Variants in TAS2R19 observed in about 807,000 individuals in gnomAD.
TAS2R19 encodes taste 2 receptor member 19.
For synonymous variants in TAS2R19, 108 were observed against 123.4 expected, an observed-to-expected ratio of 0.87 and a Z score of 0.83; for missense variants, 336 against 342.4, an observed-to-expected ratio of 0.98 and a Z score of 0.15.
Position 11,022,047 on chromosome 12 carries a change from T to C in TAS2R19, c.525A>G (p.Ser175=). The C allele has an allele frequency of 6.2e-7, 1 of 1,613,932 alleles. No individual in the cohort carries two copies. Among genetic ancestry groups the C allele is most frequent in the Non-Finnish European group, 8.5e-7 (1 of 1,179,866 alleles). ...TTGCTAGAGTAGTTACAGTCAAGCT[T>C]GAAAGGTGTATTGCATTCCTCAATT... ...KIKLRNAIHL[S]SLTVTTLANL... is the part of the protein sequence containing the mutation. Residue 175 remains serine (S), a synonymous_variant, in exon 1 of 1, where the codon TCA becomes TCG. Transcript: ENST00000390673.
chr12:11,022,354 G>T lies in TAS2R19; in HGVS notation c.218C>A (p.Ser73Tyr). Residue 73 changes from serine to tyrosine, a missense_variant, in exon 1 of 1, where the codon TCT becomes TAT. Ser to Tyr is a moderately radical substitution (Grantham distance 144). Coordinates refer to ENST00000390673, the MANE Select transcript of TAS2R19 (RefSeq NM_176888.2). ...TCTTACTTCTAAACCATATAAAGCA[G>T]AATTAAACACAGTTGCATACCAAAG... Reference protein sequence around the residue: ...LFLWYATVFNSALYGLEVRIV... With the variant: ...LFLWYATVFNYALYGLEVRIV... The T allele has an allele frequency of 6.2e-7, 1 of 1,614,108 alleles. No homozygotes were observed. The highest frequency in any genetic ancestry group is 8.5e-7 in the Non-Finnish European group (1 of 1,179,970).
rs779373299 is a variant in TAS2R19, at chr12:11,022,605, C to T, written c.-34G>A. ...AGATAAAAAAATGCAGGCTTAGTAA[C>T]ACTTGTTCTGAGTCCTTTAACATCC... On this transcript the variant is annotated 5_prime_UTR_variant, in exon 1 of 1. Coordinates refer to ENST00000390673, the MANE Select transcript of TAS2R19 (RefSeq NM_176888.2). 6.8e-6 allele frequency: 10 copies of T among 1,477,066 alleles called. No individual in the cohort carries two copies. The highest frequency in any genetic ancestry group is 2.3e-5 in the East Asian group (1 of 43,742). The allele number at this position is 1,477,066 out of a possible 1,614,324, so 91.5% of individuals were successfully genotyped here. A position where few individuals can be genotyped will look rare whatever the true frequency, so the allele number is the denominator to read the frequency against.
rs1383840693 is a variant in TAS2R19 at position 11,021,740 on chromosome 12, T to C, written c.832A>G (p.Ile278Val). 3 of 1,614,114 alleles carry C rather than the reference T, an allele frequency of 1.9e-6. No individual in the cohort carries two copies. The East Asian group carries it at 6.7e-5, about 36-fold the overall frequency. Residue 278 changes from isoleucine to valine, a missense_variant, in exon 1 of 1, where the codon ATC (isoleucine) becomes GTC (valine). Physicochemically the swap from Ile to Val is conservative, Grantham distance 29. Transcript: ENST00000390673. ...AGCTTCCTACTTCCCATAATCAGGA[T>C]GAATGAGTGGAATGAAGGATACATG... is the stretch of plus-strand genomic sequence containing the variant. ...AIMYPSFHSF[I>V]LIMGSRKLKQ...
rs772299672 is a variant in TAS2R19 at position 11,021,636 on chromosome 12, G to T, written c.*36C>A. ...CTAGAAGACCCACGATGCTCCCCTT[G>T]TGAATCTATGGAGTTGAGGGTTTCT... On this transcript the variant is annotated 3_prime_UTR_variant, in exon 1 of 1. Transcript: ENST00000390673. 1 of 1,565,754 alleles carries T rather than the reference G, an allele frequency of 6.4e-7. No individual in the cohort carries two copies. The highest frequency in any genetic ancestry group is 1.8e-5 in the Admixed American group (1 of 56,690).
rs373764737 is a variant in TAS2R19 at position 11,022,090 on chromosome 12, T to A, written c.482A>T (p.Asn161Ile). 6.8e-6 allele frequency: 11 copies of A among 1,613,866 alleles called. No homozygotes were observed. Among genetic ancestry groups the A allele is most frequent in the Admixed American group, 1.7e-5 (1 of 59,988 alleles). ...CCTCAATTTGATCTTCCAAGTCACA[T>A]TTCCTTCATATTCTTTTGTCCACAC... ...ERVWTKEYEG[N>I]VTWKIKLRNA... is the part of the protein sequence containing the mutation. Residue 161 changes from asparagine (N) to isoleucine (I), a missense_variant, in exon 1 of 1, where the codon AAT becomes ATT. Asn to Ile is a moderately radical substitution (Grantham distance 149, BLOSUM62 -3). Coordinates refer to ENST00000390673, the MANE Select transcript of TAS2R19 (RefSeq NM_176888.2).
In TAS2R19 at chr12:11,021,876, G is replaced by T; in HGVS notation, c.696C>A (p.Thr232=). ...KVHIKALQTV[T]SFLMLFAIYF... Reference sequence around the variant, plus strand: ...AAATGGCAAATAACATGAGGAAGGAGGTCACAGTTTGCAAAGCTTTTATAT... The same window carrying T: ...AAATGGCAAATAACATGAGGAAGGATGTCACAGTTTGCAAAGCTTTTATAT... Residue 232 remains threonine (T), a synonymous_variant, in exon 1 of 1, where the codon ACC becomes ACA. Transcript: ENST00000390673. The T allele has an allele frequency of 6.2e-7, 1 of 1,614,234 alleles. No homozygotes were observed. Among genetic ancestry groups the T allele is most frequent in the Middle Eastern group, 1.6e-4 (1 of 6,062 alleles).
In TAS2R19 at chr12:11,022,566, C is replaced by T. The variant is rs1423279661; in HGVS notation, c.6G>A (p.Met2Ile). 2.5e-6 allele frequency: 4 copies of T among 1,605,712 alleles called. No individual in the cohort carries two copies. The highest frequency in any genetic ancestry group is 1.7e-5 in the Admixed American group (1 of 59,708). The change falls in exon 1 of 1, where the codon ATG becomes ATA. Residue 2 changes from methionine to isoleucine, a missense_variant. Met to Ile is a conservative substitution (Grantham distance 10, BLOSUM62 1). Coordinates refer to ENST00000390673, the MANE Select transcript of TAS2R19 (RefSeq NM_176888.2). MMCFLLIISSIL... is the reference protein window; with the variant it reads MICFLLIISSIL... Reference sequence around the variant, plus strand: ...TTGATGAAATGATGAGCAGAAAACACATCATGTTTGAACAGATAAAAAAAT... The same window carrying T: ...TTGATGAAATGATGAGCAGAAAACATATCATGTTTGAACAGATAAAAAAAT...
Position 11,021,942 on chromosome 12 carries a change from C to A in TAS2R19, c.630G>T (p.Arg210=). The A allele has an allele frequency of 6.2e-7, 1 of 1,614,040 alleles. No homozygotes were observed. The change falls in exon 1 of 1, where the codon CGG becomes CGT. Residue 210 remains arginine (R), a synonymous_variant. Transcript: ENST00000390673. ...CSLCKHLKKM[R]LHSKGSQDPS... ...GATCTTGAGATCCTTTGCTATGGAGCCGCATCTTCTTGAGATGTTTACAAA... is the reference window on the plus strand; with the variant it reads ...GATCTTGAGATCCTTTGCTATGGAGACGCATCTTCTTGAGATGTTTACAAA...
rs1433611670 is a variant in TAS2R19, at chr12:11,022,450, A to C, written c.122T>G (p.Ile41Ser). ...NVIDWVNTRK[I>S]SSAEQILTAL... The stretch of plus-strand genomic sequence containing the variant: ...AGTGAGAATTTGCTCAGCTGAGGAG[A>C]TCTTTCGTGTGTTAACCCAGTCAAT... The change falls in exon 1 of 1, where the codon ATC becomes AGC. Residue 41 changes from isoleucine to serine, a missense_variant. Ile to Ser is a moderately radical substitution (Grantham distance 142). Transcript: ENST00000390673. 6.2e-7 allele frequency: 1 copy of C among 1,614,134 alleles called. No homozygotes were observed. Among genetic ancestry groups the C allele is most frequent in the Non-Finnish European group, 8.5e-7 (1 of 1,179,944 alleles).
At position 11,021,968 on chromosome 12, in the gene TAS2R19, G is replaced by T; in HGVS notation, c.604C>A (p.Leu202Ile). 6.2e-7 allele frequency: 1 copy of T among 1,606,786 alleles called. No homozygotes were observed. The highest frequency in any genetic ancestry group is 8.5e-7 in the Non-Finnish European group (1 of 1,177,282). The change falls in exon 1 of 1, where the codon CTT (leucine) becomes ATT (isoleucine). Residue 202 changes from leucine (L) to isoleucine (I), a missense_variant. Transcript: ENST00000390673. ...LICFLLLICS[L>I]CKHLKKMRLH... Reference sequence around the variant, plus strand: ...CGCATCTTCTTGAGATGTTTACAAAGAGAACAGATTAACAGCAGAAAACAT... The same window carrying T: ...CGCATCTTCTTGAGATGTTTACAAATAGAACAGATTAACAGCAGAAAACAT...
chr12:11,022,414 A>C lies in TAS2R19; in HGVS notation c.158T>G (p.Val53Gly). ...GACCCAGAGTAAACCAATTCTGGAGACCACCAGAGCAGTGAGAATTTGCTC... is the reference window on the plus strand; with the variant it reads ...GACCCAGAGTAAACCAATTCTGGAGCCCACCAGAGCAGTGAGAATTTGCTC... ...SAEQILTALVVSRIGLLWVML... is the reference protein window; with the variant it reads ...SAEQILTALVGSRIGLLWVML... Residue 53 changes from valine to glycine, a missense_variant, in exon 1 of 1, where the codon GTC (valine) becomes GGC (glycine). Transcript: ENST00000390673. 1.9e-6 allele frequency: 3 copies of C among 1,590,702 alleles called. No homozygotes were observed. Among genetic ancestry groups the C allele is most frequent in the Non-Finnish European group, 2.6e-6 (3 of 1,168,322 alleles).
In TAS2R19 at chr12:11,021,953, T is replaced by G; in HGVS notation, c.619A>C (p.Lys207Gln). 6.2e-7 allele frequency: 1 copy of G among 1,613,744 alleles called. No individual in the cohort carries two copies. The highest frequency in any genetic ancestry group is 8.5e-7 in the Non-Finnish European group (1 of 1,179,908). ...CCTTTGCTATGGAGCCGCATCTTCT[T>G]GAGATGTTTACAAAGAGAACAGATT... The part of the protein sequence containing the change: ...LLICSLCKHL[K>Q]KMRLHSKGSQ... Residue 207 changes from lysine (K) to glutamine (Q), a missense_variant, in exon 1 of 1, where the codon AAG becomes CAG. By Grantham distance (53) the Lys-to-Gln change is moderately conservative. Coordinates refer to ENST00000390673, the MANE Select transcript of TAS2R19 (RefSeq NM_176888.2).
chr12:11,021,946 A>G lies in TAS2R19; in HGVS notation c.626T>C (p.Met209Thr), dbSNP rs149328292. Residue 209 changes from methionine to threonine, a missense_variant, in exon 1 of 1, where the codon ATG becomes ACG. By Grantham distance (81) the Met-to-Thr change is moderately conservative. Coordinates refer to ENST00000390673, the MANE Select transcript of TAS2R19 (RefSeq NM_176888.2). ...ICSLCKHLKK[M>T]RLHSKGSQDP... ...TTGAGATCCTTTGCTATGGAGCCGC[A>G]TCTTCTTGAGATGTTTACAAAGAGA... 2.6e-5 allele frequency: 42 copies of G among 1,613,948 alleles called. No homozygotes were observed. In the African/African-American group the frequency reaches 5.5e-4, roughly 21 times the overall value.
chr12:11,021,658 T>C lies in TAS2R19; in HGVS notation c.*14A>G. The C allele has an allele frequency of 6.2e-7, 1 of 1,600,152 alleles. No individual in the cohort carries two copies. The highest frequency in any genetic ancestry group is 8.5e-7 in the Non-Finnish European group (1 of 1,170,140). On this transcript the variant is annotated 3_prime_UTR_variant, in exon 1 of 1. Transcript: ENST00000390673. Reference sequence around the variant, plus strand: ...CTTGTGAATCTATGGAGTTGAGGGTTTCTCTTCTTTCACTCAGCGTGTCAT... The same window carrying C: ...CTTGTGAATCTATGGAGTTGAGGGTCTCTCTTCTTTCACTCAGCGTGTCAT...
In TAS2R19 at chr12:11,022,544, A is replaced by G. The variant is rs1308016448; in HGVS notation, c.28T>C (p.Ser10Pro). Residue 10 changes from serine (S) to proline (P), a missense_variant, in exon 1 of 1, where the codon TCA (serine) becomes CCA (proline). Ser to Pro is a moderately conservative substitution (Grantham distance 74). Coordinates refer to ENST00000390673, the MANE Select transcript of TAS2R19 (RefSeq NM_176888.2). Reference protein sequence around the residue: MMCFLLIISSILVVFAFVLG... With the variant: MMCFLLIISPILVVFAFVLG... ...ACAAATGCAAACACTACCAGAATTGATGAAATGATGAGCAGAAAACACATC... is the reference window on the plus strand; with the variant it reads ...ACAAATGCAAACACTACCAGAATTGGTGAAATGATGAGCAGAAAACACATC... 3 of 1,611,964 alleles carry G rather than the reference A, an allele frequency of 1.9e-6. No homozygotes were observed. The highest frequency in any genetic ancestry group is 1.3e-5 in the African/African-American group (1 of 74,902).
Position 11,021,798 on chromosome 12 carries a change from T to C in TAS2R19, c.774A>G (p.Lys258=), listed in dbSNP as rs76455106. 2 of 1,573,436 alleles carry C rather than the reference T, an allele frequency of 1.3e-6. No homozygotes were observed. The highest frequency in any genetic ancestry group is 1.7e-6 in the Non-Finnish European group (2 of 1,156,012). ...CAGTTTGGCAAAGCAGGAGTACAAGTTTGCTCTGCTGTGTCCTAAGATTCC... is the reference window on the plus strand; with the variant it reads ...CAGTTTGGCAAAGCAGGAGTACAAGCTTGCTCTGCTGTGTCCTAAGATTCC... ...STWNLRTQQS[K]LVLLLCQTVA... The change falls in exon 1 of 1, where the codon AAA becomes AAG. Residue 258 remains lysine, a synonymous_variant. Coordinates refer to ENST00000390673, the MANE Select transcript of TAS2R19 (RefSeq NM_176888.2).
chr12:11,022,129 G>T lies in TAS2R19; in HGVS notation c.443C>A (p.Thr148Asn). 1 of 1,613,820 alleles carries T rather than the reference G, an allele frequency of 6.2e-7. No homozygotes were observed. The highest frequency in any genetic ancestry group is 8.5e-7 in the Non-Finnish European group (1 of 1,179,814). The change falls in exon 1 of 1, where the codon ACC (threonine) becomes AAC (asparagine). Residue 148 changes from threonine (T) to asparagine (N), a missense_variant. By Grantham distance (65) the Thr-to-Asn change is moderately conservative. Coordinates refer to ENST00000390673, the MANE Select transcript of TAS2R19 (RefSeq NM_176888.2). ...VFLICNLAVI[T>N]MDERVWTKEY... ...TTTTGTCCACACTCTCTCATCCATG[G>T]TTATCACAGCAAGATTACAAATCAG...
At position 11,022,288 on chromosome 12, in the gene TAS2R19, C is replaced by G. The variant is rs778787132; in HGVS notation, c.284G>C (p.Ser95Thr). ...GCTGAGGCTAGCAGCAAGCCACATGCTGAAATGGTTCGTTACAGCCCAGGC... is the reference window on the plus strand; with the variant it reads ...GCTGAGGCTAGCAGCAAGCCACATGGTGAAATGGTTCGTTACAGCCCAGGC... ...SNAWAVTNHF[S>T]MWLAASLSIF... Residue 95 changes from serine (S) to threonine (T), a missense_variant, in exon 1 of 1, where the codon AGC (serine) becomes ACC (threonine). Coordinates refer to ENST00000390673, the MANE Select transcript of TAS2R19 (RefSeq NM_176888.2). The G allele has an allele frequency of 6.2e-7, 1 of 1,614,208 alleles. No homozygotes were observed. The highest frequency in any genetic ancestry group is 8.5e-7 in the Non-Finnish European group (1 of 1,180,028).
At position 11,021,813 on chromosome 12, in the gene TAS2R19, C is replaced by T. The variant is rs1301433419; in HGVS notation, c.759G>A (p.Arg253=). ...LCIITSTWNL[R]TQQSKLVLLL... ...GGAGTACAAGTTTGCTCTGCTGTGT[C>T]CTAAGATTCCAAGTTGATGTGATTA... The change falls in exon 1 of 1, where the codon AGG becomes AGA. Residue 253 remains arginine, a synonymous_variant. Coordinates refer to ENST00000390673, the MANE Select transcript of TAS2R19 (RefSeq NM_176888.2). 1.9e-6 allele frequency: 3 copies of T among 1,614,258 alleles called. No homozygotes were observed. The highest frequency in any genetic ancestry group is 1.3e-5 in the African/African-American group (1 of 75,070).
Sources: allele counts gnomAD v4.1 joint callset, GRCh38; gene constraint gnomAD v4.1.1; transcripts MANE v1.5; gene names NCBI Gene and HGNC (gene_info 2026-07-23, HGNC 2026-07-21).